The following ZNF566 variants were observed in gnomAD, a reference collection of about 807,000 sequenced individuals.
The protein encoded by ZNF566 is zinc finger protein 566.
ZNF566 carries 27 observed loss-of-function variants against 32.8 expected under a neutral mutation model. The observed-to-expected ratio is 0.82, with a 90% CI of 0.61 to 1.14. The LOEUF (loss-of-function observed/expected upper bound fraction) is 1.14, where lower values mean the gene tolerates loss of function less well. Ranked by LOEUF, ZNF566 falls within the 50% of genes most tolerant of loss-of-function variation. The pLI is 0.00. For synonymous variants in ZNF566, 154 were observed against 159.5 expected (o/e 0.97, Z 0.26); for missense variants, 402 against 490.4 (o/e 0.82, Z 1.70).
intron 4 of ZNF566, among the ~76,000 whole-genome samples, chr19:36,451,133 A>G (rs2033146538): frequency 6.6e-6 from 1 of 152,248 alleles, no homozygotes; most frequent in South Asian, 2.1e-4. Flanking sequence ...GGAAGTCTGT[A>G]CGAAATATCA....
intron 4 of ZNF566, among the ~76,000 whole-genome samples, chr19:36,454,325 T>C (rs1430282762): frequency 2.0e-5 from 3 of 151,244 alleles, no homozygotes; most frequent in African/African-American, 7.3e-5. Context: ...GAGAAAGACA[T>C]CAAATCATAC....
At chr19:36,469,465 G>A (rs1032792746) in intron 4 of ZNF566, among the ~76,000 whole-genome samples, 30 of 151,740 alleles carry the variant, frequency 2.0e-4, no homozygotes, top group African/African-American at 7.3e-5. Context: ...GCTTGAACCC[G>A]GGAGGTGGAG....
At chr19:36,478,634 A>G (rs966845537) in intron 1 of ZNF566, among the ~76,000 whole-genome samples, 2 of 142,038 alleles carry the variant, frequency 1.4e-5, no homozygotes, top group African/African-American at 5.2e-5. Flanking sequence ...AAAAAAAAAA[A>G]GTCTCACGAA....
At chr19:36,483,985 G>T (rs1190549560) in intron 1 of ZNF566, among the ~76,000 whole-genome samples, 2 of 152,026 alleles carry the variant, frequency 1.3e-5, no homozygotes. Flanking sequence ...CAATTCTCCT[G>T]TGTCAGCCTC....
At chr19:36,472,522 C>CA (rs1334674002) in intron 4 of ZNF566, among the ~76,000 whole-genome samples, 1 of 152,062 alleles carries the variant, frequency 6.6e-6, no homozygotes, top group Admixed American at 6.5e-5. Flanking sequence ...ACCCCTATCC[C>CA]AAAAAACTTA....
chr19:36,479,751 C>T (rs1168213836), intron 1 of ZNF566, among the ~76,000 whole-genome samples: 1 of 152,242 alleles, frequency 6.6e-6, no homozygotes, highest in African/African-American at 2.4e-5. Flanking sequence ...TCTCCCACCC[C>T]AGCCTCCTGA....
chr19:36,455,035 G>A (rs1294230640), intron 4 of ZNF566, among the ~76,000 whole-genome samples: 2 of 152,158 alleles, frequency 1.3e-5, no homozygotes. Flanking sequence ...ACATGATCAA[G>A]TGAGATTTAT....
At position 36,476,582 on chromosome 19, in the gene ZNF566, C is replaced by T. The variant is rs1458140829; in HGVS notation, c.-25G>A. ...TGGCTCTGATATTTGTAGAAAAGGA[C>T]CTTCTCTTGGCTCTTCTTTTGGAGA... On this transcript the variant is annotated 5_prime_UTR_variant, in exon 2 of 5. Coordinates refer to ENST00000452939, the MANE Select transcript of ZNF566 (RefSeq NM_001145344.1). 2 of 1,613,390 alleles carry T rather than the reference C, an allele frequency of 1.2e-6. No homozygotes were observed. Among genetic ancestry groups the T allele is most frequent in the Non-Finnish European group, 1.7e-6 (2 of 1,179,744 alleles).
chr19:36,466,466 A>G (rs2145671746), intron 4 of ZNF566, among the ~76,000 whole-genome samples: 1 of 152,312 alleles, frequency 6.6e-6, no homozygotes, highest in South Asian at 2.1e-4. Flanking sequence ...TTTTACATCC[A>G]TGATTGGTTG....
Position 36,449,371 on chromosome 19 carries a change from C to T in ZNF566, c.863G>A (p.Cys288Tyr), listed in dbSNP as rs754953911. 1.9e-6 allele frequency: 3 copies of T among 1,614,132 alleles called. No individual in the cohort carries two copies. The South Asian group carries it at 3.3e-5, about 18-fold the overall frequency. ...TGAGCCACTACTAAAGGCCTTCCCG[C>T]ATTCTTTGCATTCATAAGGCTTCTC... ...TGEKPYECKE[C>Y]GKAFSSGSNF... The change falls in exon 5 of 5, where the codon TGC becomes TAC. Residue 288 changes from cysteine to tyrosine, a missense_variant. Physicochemically the swap from Cys to Tyr is radical, Grantham distance 194 (BLOSUM62 -2). Around this residue, in one of 3 missense-constraint regions of ZNF566, gnomAD observed 135 missense variants for 210.0 expected, o/e 0.64. Coordinates refer to ENST00000452939, the MANE Select transcript of ZNF566 (RefSeq NM_001145344.1).
chr19:36,476,787 A>G (rs756257697), intron 1 of ZNF566, among the ~76,000 whole-genome samples, 171 bp from the exon 2 acceptor site: 4 of 152,152 alleles, frequency 2.6e-5, no homozygotes. Context: ...CTGTAACTGG[A>G]GCAGGATGGA....
intron 4 of ZNF566, among the ~76,000 whole-genome samples, chr19:36,454,239 C>G (rs1486158627): frequency 1.3e-5 from 2 of 152,046 alleles, no homozygotes; most frequent in Non-Finnish European, 2.9e-5. Flanking sequence ...ACTGTTATAA[C>G]TATGAGATGT....
At chr19:36,475,248 T>C (rs2033856161) in intron 2 of ZNF566, among the ~76,000 whole-genome samples, 1 of 152,094 alleles carries the variant, frequency 6.6e-6, no homozygotes, top group Admixed American at 6.5e-5. Flanking sequence ...GTTTGCCATG[T>C]TGCCCAGGCT....
chr19:36,472,919 T>C lies in ZNF566; in HGVS notation c.224A>G (p.Gln75Arg). ...TGCTGTGCCTCACTTACCTGGCCAC[T>C]GGCCTCTTGTTAGCTCTCTGTCAGC... ...WLADRELTRG[Q>R]WPVLESRCET... is the part of the protein sequence containing the mutation. Residue 75 changes from glutamine (Q) to arginine (R), a missense_variant, in exon 4 of 5, where the codon CAG becomes CGG. By Grantham distance (43) the Gln-to-Arg change is conservative. Around this residue, in one of 3 missense-constraint regions of ZNF566, gnomAD observed 220 missense variants for 241.9 expected, o/e 0.91. Coordinates refer to ENST00000452939, the MANE Select transcript of ZNF566 (RefSeq NM_001145344.1). 1 of 1,613,258 alleles carries C rather than the reference T, an allele frequency of 6.2e-7. No individual in the cohort carries two copies. Among genetic ancestry groups the C allele is most frequent in the Non-Finnish European group, 8.5e-7 (1 of 1,179,696 alleles).
intron 1 of ZNF566, among the ~76,000 whole-genome samples, chr19:36,484,521 T>G (rs2034107450): frequency 6.6e-6 from 1 of 151,752 alleles, no homozygotes; most frequent in African/African-American, 2.4e-5. Context: ...CAGGTAAAAA[T>G]TATCAATGAA....
At chr19:36,468,726 A>G (rs1364003878) in intron 4 of ZNF566, among the ~76,000 whole-genome samples, 1 of 151,818 alleles carries the variant, frequency 6.6e-6, no homozygotes, top group Non-Finnish European at 1.5e-5. Flanking sequence ...CAGCCTGGGC[A>G]ACGTGGCAAA....
chr19:36,479,887 G>A (rs947370149), intron 1 of ZNF566, among the ~76,000 whole-genome samples: 2 of 152,128 alleles, frequency 1.3e-5, no homozygotes, highest in African/African-American at 4.8e-5. Context: ...GGTAGAGACA[G>A]GGTCTCACTG....
rs779643442 is a variant in ZNF566, at chr19:36,473,442, C to T, written c.26G>A (p.Ser9Asn). The change falls in exon 3 of 5, where the codon AGT (serine) becomes AAT (asparagine). Residue 9 changes from serine to asparagine, a missense_variant. Ser to Asn is a conservative substitution (Grantham distance 46). Around this residue, in one of 3 missense-constraint regions of ZNF566, gnomAD observed 220 missense variants for 241.9 expected, o/e 0.91. Transcript: ENST00000452939. MAQESVMFSDVSVDFSQEE... is the reference protein window; with the variant it reads MAQESVMFNDVSVDFSQEE... ...CTGAGAGAAGTCTACGGACACATCA[C>T]TGAACATCACTGACTCCTGGAACAA... is the stretch of plus-strand genomic sequence containing the variant. 2 of 1,603,548 alleles carry T rather than the reference C, an allele frequency of 1.2e-6. No individual in the cohort carries two copies. Among genetic ancestry groups the T allele is most frequent in the Admixed American group, 1.7e-5 (1 of 57,800 alleles).
chr19:36,455,739 CA>C (rs995016865), intron 4 of ZNF566, among the ~76,000 whole-genome samples: 1 of 147,876 alleles, frequency 6.8e-6, no homozygotes, highest in African/African-American at 2.5e-5. Context: ...GACTCTGTCT[CA>C]AAAAAAAAGA....
Sources: allele counts gnomAD v4.1 joint callset (sites outside exome capture counted in the v4.1 genomes callset), GRCh38; gene constraint gnomAD v4.1.1; regional missense constraint gnomAD v4.1.1; transcripts MANE v1.5; gene names NCBI Gene and HGNC (gene_info 2026-07-23, HGNC 2026-07-21).